The following GATAD2B variants were observed in gnomAD, a reference collection of about 807,000 sequenced individuals.
GATAD2B encodes the protein GATA zinc finger domain containing 2B.
GATAD2B carries 8 observed loss-of-function variants against 64.3 expected under a neutral mutation model. The observed-to-expected ratio is 0.12, with a 90% CI of 0.07 to 0.22. The LOEUF is 0.22. GATAD2B is among the 10% of genes least tolerant of loss of function. The pLI, the probability that GATAD2B is intolerant of heterozygous loss-of-function variation, is 1.00. For synonymous variants in GATAD2B, 281 were observed against 271.3 expected (o/e 1.04, Z -0.35); for missense variants, 453 against 752.0 (o/e 0.60, Z 4.65).
chr1:153,863,474 T>C (rs1676379440), intron 1 of GATAD2B, among the ~76,000 whole-genome samples: 1 of 147,632 alleles, frequency 6.8e-6, no homozygotes, highest in African/African-American at 2.5e-5. Context: ...CCAGCCTGGG[T>C]GACGACAGTG....
At chr1:153,887,516 T>G (rs777264857) in intron 1 of GATAD2B, among the ~76,000 whole-genome samples, 7 of 152,272 alleles carry the variant, frequency 4.6e-5, no homozygotes, top group Non-Finnish European at 7.4e-5. Context: ...ATGGACTAGT[T>G]CTTAACACAG....
intron 1 of GATAD2B, among the ~76,000 whole-genome samples, chr1:153,895,993 T>TAAAAAA (rs376526598): frequency 7.8e-6 from 1 of 128,640 alleles, no homozygotes; most frequent in Non-Finnish European, 1.6e-5. Context: ...GACTCTGTCT[T>TAAAAAA]AAAAAAAAAA....
chr1:153,829,714 CG>C (rs1398690308), intron 1 of GATAD2B, among the ~76,000 whole-genome samples: 1 of 151,644 alleles, frequency 6.6e-6, no homozygotes, highest in African/African-American at 2.4e-5. Flanking sequence ...CCAGCCTGGG[CG>C]ACAGAGTGAG....
intron 1 of GATAD2B, among the ~76,000 whole-genome samples, chr1:153,859,251 C>T (rs1278150289): frequency 6.6e-6 from 1 of 151,340 alleles, no homozygotes; most frequent in Admixed American, 6.6e-5. Flanking sequence ...CCTGTTGTTC[C>T]AGCTACTCAG....
At chr1:153,857,610 C>G (rs974647725) in intron 1 of GATAD2B, among the ~76,000 whole-genome samples, 1 of 152,022 alleles carries the variant, frequency 6.6e-6, no homozygotes, top group Non-Finnish European at 1.5e-5. Flanking sequence ...GTCCCCTTAT[C>G]AAGTTAGAAA....
At chr1:153,854,167 C>G (rs531539539) in intron 1 of GATAD2B, among the ~76,000 whole-genome samples, 1 of 152,264 alleles carries the variant, frequency 6.6e-6, no homozygotes, top group East Asian at 1.9e-4. Flanking sequence ...CTTTGGGAGG[C>G]TGAAACGGGC....
rs1187085789 is a variant in GATAD2B at position 153,804,779 on chromosome 1, C to A, written c.*5398G>T. ...CATAGCTTGCAAGTGATAAATATTA[C>A]AAAGTTTTTTTTTCTTTTAATCCTT... On this transcript the variant is annotated 3_prime_UTR_variant, in exon 11 of 11. Coordinates refer to ENST00000368655, the MANE Select transcript of GATAD2B (RefSeq NM_020699.4). 6.6e-6 allele frequency: 1 copy of A among 152,560 alleles called. No homozygotes were observed. The highest frequency in any genetic ancestry group is 1.5e-5 in the Non-Finnish European group (1 of 68,028). 9.5% of individuals were successfully genotyped at this position (152,560 alleles called of 1,614,324 possible).
chr1:153,922,466 G>A (rs1265352299), intron 1 of GATAD2B, among the ~76,000 whole-genome samples: 2 of 149,922 alleles, frequency 1.3e-5, no homozygotes, highest in Admixed American at 6.6e-5. Context: ...GTGAAAGACC[G>A]GGTCGCGCGC....
intron 1 of GATAD2B, among the ~76,000 whole-genome samples, chr1:153,846,648 G>A (rs1434883348): frequency 4.4e-5 from 6 of 136,842 alleles, no homozygotes; most frequent in East Asian, 4.6e-4. Context: ...TGCAATCTCC[G>A]CCTCCTGGGT....
At chr1:153,912,041 G>C (rs572659607) in intron 1 of GATAD2B, among the ~76,000 whole-genome samples, 6 of 152,234 alleles carry the variant, frequency 3.9e-5, no homozygotes, top group African/African-American at 1.2e-4. Context: ...AGTTTAATTT[G>C]GAAATTAAAA....
intron 2 of GATAD2B, among the ~76,000 whole-genome samples, chr1:153,823,911 G>A (rs553913532): frequency 2.0e-5 from 3 of 151,940 alleles, no homozygotes; most frequent in Admixed American, 6.6e-5. Flanking sequence ...TGTATTTTTA[G>A]TAGAGACAGG....
intron 1 of GATAD2B, among the ~76,000 whole-genome samples, chr1:153,874,548 A>C (rs535788727): frequency 6.6e-6 from 1 of 152,088 alleles, no homozygotes; most frequent in Admixed American, 6.6e-5. Flanking sequence ...TCTATTTTTA[A>C]ATTTTTATTT....
chr1:153,912,016 G>A (rs887583446), intron 1 of GATAD2B, among the ~76,000 whole-genome samples: 12 of 151,946 alleles, frequency 7.9e-5, no homozygotes, highest in African/African-American at 1.2e-4. Context: ...AAGTATTCGC[G>A]GAGCCAGAAT....
chr1:153,913,619 T>TA (rs374556609), intron 1 of GATAD2B, among the ~76,000 whole-genome samples: 1 of 152,254 alleles, frequency 6.6e-6, no homozygotes, highest in East Asian at 1.9e-4. Context: ...CTGATGTTTC[T>TA]AAAAAATATC....
intron 1 of GATAD2B, among the ~76,000 whole-genome samples, chr1:153,892,692 C>CTTTTTT (rs144331770): frequency 1.0e-5 from 1 of 97,872 alleles, no homozygotes; most frequent in Non-Finnish European, 2.0e-5. Flanking sequence ...TGTAAGAAAC[C>CTTTTTT]TTTTTTTTTT....
At position 153,878,804 on chromosome 1, in the gene GATAD2B, G is replaced by A. The variant is rs575549115; in HGVS notation, c.-2+43929C>T. Among the ~76,000 whole-genome samples the A allele has an allele frequency of 2.5e-3, 308 of 124,216 alleles. 1 individual carries two copies. The highest frequency in any genetic ancestry group is 3.2e-3 in the Non-Finnish European group (201 of 62,038). 81.5% of individuals were successfully genotyped at this position (124,216 alleles called of 152,430 possible). ...TTTTTTTTTTTTTTTTTGAGACAGAGTATTGCTGTGTCGCCCAGGCTGGAG... is the reference window on the plus strand; with the variant it reads ...TTTTTTTTTTTTTTTTTGAGACAGAATATTGCTGTGTCGCCCAGGCTGGAG... On this transcript the variant is annotated intron_variant, in intron 1 of 10. Transcript: ENST00000368655.
At chr1:153,915,894 A>C (rs1287433183) in intron 1 of GATAD2B, among the ~76,000 whole-genome samples, 1 of 152,206 alleles carries the variant, frequency 6.6e-6, no homozygotes, top group African/African-American at 2.4e-5. Context: ...TCTTTTAATA[A>C]CTGGAAACTA....
chr1:153,836,407 T>C (rs1433342435), intron 1 of GATAD2B, among the ~76,000 whole-genome samples: 2 of 151,472 alleles, frequency 1.3e-5, no homozygotes, highest in African/African-American at 4.8e-5. Flanking sequence ...TTCGCCACCA[T>C]ACTCGGCTAA....
chr1:153,815,706 T>C (rs960842732), intron 7 of GATAD2B, among the ~76,000 whole-genome samples: 1 of 150,862 alleles, frequency 6.6e-6, no homozygotes, highest in African/African-American at 2.4e-5. Context: ...ATAGAATAGA[T>C]AGATTAGATA....
Sources: gnomAD v4.1 joint callset for allele counts (sites outside exome capture counted in the v4.1 genomes callset) on GRCh38, gnomAD v4.1.1 for gene constraint, MANE v1.5 for transcripts, NCBI Gene and HGNC (gene_info 2026-07-23, HGNC 2026-07-21) for gene names.